Variants in MACROD2 observed in about 807,000 individuals in gnomAD.
The protein encoded by MACROD2 is mono-ADP ribosylhydrolase 2.
In MACROD2, 36 loss-of-function variants were observed where a neutral mutation model predicts 70.4. That is an observed-to-expected ratio of 0.51 (90% CI 0.39 to 0.68). The LOEUF is 0.68. Among genes scored for constraint, MACROD2 ranks in the 30% least tolerant of loss-of-function variants. The pLI is 0.00. For synonymous variants in MACROD2, 172 were observed against 178.8 expected (o/e 0.96, Z 0.30); for missense variants, 496 against 538.4 (o/e 0.92, Z 0.78).
intron 4 of MACROD2, among the ~76,000 whole-genome samples, chr20:14,524,217 T>G (rs938252137): frequency 3.9e-5 from 6 of 152,184 alleles, no homozygotes; most frequent in Non-Finnish European, 7.3e-5. Context: ...TGGAAAATCT[T>G]TCCTTCAACT....
At chr20:14,669,340 C>T (rs2070770350) in intron 4 of MACROD2, among the ~76,000 whole-genome samples, 1 of 152,172 alleles carries the variant, frequency 6.6e-6, no homozygotes, top group African/African-American at 2.4e-5. Flanking sequence ...TGCAAATATA[C>T]ATACACAGAC....
chr20:14,088,476 G>T (rs572980925), intron 3 of MACROD2, among the ~76,000 whole-genome samples: 9 of 51,364 alleles, frequency 1.8e-4, no homozygotes, highest in Admixed American at 1.7e-3. Flanking sequence ...ATGTACATAT[G>T]TATATAAATA....
chr20:14,921,362 G>A (rs186921832), intron 5 of MACROD2, among the ~76,000 whole-genome samples: 26 of 152,252 alleles, frequency 1.7e-4, no homozygotes, highest in African/African-American at 4.8e-4. Flanking sequence ...ATTTATAGCC[G>A]TCTTTGCCTG....
chr20:15,600,367 TAAGAA>T (rs1414189564), intron 8 of MACROD2, among the ~76,000 whole-genome samples: 32 of 152,354 alleles, frequency 2.1e-4, no homozygotes, highest in Middle Eastern at 3.4e-3. Flanking sequence ...TAACAAGACT[TAAGAA>T]AAGCCCATTT....
At chr20:15,069,770 CTGTA>C (rs1364445873) in intron 5 of MACROD2, among the ~76,000 whole-genome samples, 3 of 152,218 alleles carry the variant, frequency 2.0e-5, no homozygotes, top group Non-Finnish European at 4.4e-5. Flanking sequence ...ATTTCAGAGA[CTGTA>C]TGGGAAAGCG....
chr20:14,580,796 T>C (rs1232954308), intron 4 of MACROD2, among the ~76,000 whole-genome samples: 1 of 152,230 alleles, frequency 6.6e-6, no homozygotes, highest in Non-Finnish European at 1.5e-5. Context: ...TTTTTCAGTG[T>C]TCTTTTACTG....
At chr20:14,148,429 A>G (rs1254568955) in intron 3 of MACROD2, among the ~76,000 whole-genome samples, 1 of 152,214 alleles carries the variant, frequency 6.6e-6, no homozygotes, top group Non-Finnish European at 1.5e-5. Flanking sequence ...ATGACTGCAT[A>G]ATTTAATGAT....
chr20:15,536,829 AAAG>A (rs2047881306), intron 8 of MACROD2, among the ~76,000 whole-genome samples: 1 of 152,192 alleles, frequency 6.6e-6, no homozygotes, highest in South Asian at 2.1e-4. Context: ...AATTTGATAA[AAAG>A]AAACCAGTGG....
At chr20:14,338,080 C>T (rs879851794) in intron 3 of MACROD2, among the ~76,000 whole-genome samples, 1 of 152,108 alleles carries the variant, frequency 6.6e-6, no homozygotes, top group Non-Finnish European at 1.5e-5. Flanking sequence ...AATGTTTATT[C>T]AACATATGAA....
intron 5 of MACROD2, among the ~76,000 whole-genome samples, chr20:14,927,747 G>C (rs1452662397): frequency 6.6e-6 from 1 of 152,182 alleles, no homozygotes; most frequent in Non-Finnish European, 1.5e-5. Context: ...TGATGGAATT[G>C]AACTGAAAGA....
At chr20:14,594,567 A>G (rs1408587729) in intron 4 of MACROD2, among the ~76,000 whole-genome samples, 1 of 152,192 alleles carries the variant, frequency 6.6e-6, no homozygotes, top group Non-Finnish European at 1.5e-5. Flanking sequence ...ATAAATACAT[A>G]TGCAATATAT....
At chr20:15,432,499 C>A (rs2046375492) in intron 7 of MACROD2, among the ~76,000 whole-genome samples, 1 of 152,038 alleles carries the variant, frequency 6.6e-6, no homozygotes, top group South Asian at 2.1e-4. Flanking sequence ...ACTAGACCAT[C>A]TGCACAATTA....
intron 6 of MACROD2, among the ~76,000 whole-genome samples, chr20:15,269,515 C>T (rs1369577246): frequency 6.6e-6 from 1 of 152,210 alleles, no homozygotes; most frequent in Non-Finnish European, 1.5e-5. Context: ...ATAAATACTG[C>T]TTTGCCATTA....
chr20:15,562,452 C>G (rs1391374780), intron 8 of MACROD2, among the ~76,000 whole-genome samples: 2 of 152,130 alleles, frequency 1.3e-5, no homozygotes, highest in African/African-American at 4.8e-5. Flanking sequence ...TATTTTTTAA[C>G]TAAATCCAAG....
chr20:14,416,303 T>C (rs931600648), intron 3 of MACROD2, among the ~76,000 whole-genome samples: 1 of 152,162 alleles, frequency 6.6e-6, no homozygotes, highest in Admixed American at 6.5e-5. Context: ...ATACTGTTAA[T>C]ATAAAATTAA....
In MACROD2 at chr20:14,156,022, C is replaced by T. The variant is rs913112389; in HGVS notation, c.271+70294C>T. Among the ~76,000 whole-genome samples the T allele has an allele frequency of 1.1e-4, 17 of 152,092 alleles. 1 individual carries two copies. In the South Asian group the frequency reaches 2.9e-3, roughly 26 times the overall value. On this transcript the variant is annotated intron_variant, in intron 3 of 17. Coordinates refer to ENST00000684519, the MANE Select transcript of MACROD2 (RefSeq NM_001351661.2). Reference sequence around the variant, plus strand: ...ACATAAACTACAAAAATTAGCCAGGCATGGTGGTACATGCTCGTAGTCCCA... The same window carrying T: ...ACATAAACTACAAAAATTAGCCAGGTATGGTGGTACATGCTCGTAGTCCCA...
chr20:15,673,562 C>T (rs1328740538), intron 8 of MACROD2, among the ~76,000 whole-genome samples: 2 of 152,122 alleles, frequency 1.3e-5, no homozygotes, highest in Non-Finnish European at 2.9e-5. Context: ...TATGATGTAT[C>T]CTGCTTAGCA....
intron 5 of MACROD2, among the ~76,000 whole-genome samples, chr20:14,813,030 C>T (rs1369464076): frequency 6.6e-6 from 1 of 151,908 alleles, no homozygotes; most frequent in Non-Finnish European, 1.5e-5. Flanking sequence ...CTTACATTTA[C>T]CCGTTTATTG....
intron 8 of MACROD2, among the ~76,000 whole-genome samples, chr20:15,504,644 A>AT (rs2047403553): frequency 6.6e-6 from 1 of 152,176 alleles, no homozygotes; most frequent in African/African-American, 2.4e-5. Flanking sequence ...GGGTCTGAAG[A>AT]TTACCCACTG....
Sources: allele counts gnomAD v4.1 joint callset (sites outside exome capture counted in the v4.1 genomes callset), GRCh38; gene constraint gnomAD v4.1.1; transcripts MANE v1.5; gene names NCBI Gene and HGNC (gene_info 2026-07-23, HGNC 2026-07-21).